The following ANKS1A variants were observed in gnomAD, a reference collection of about 807,000 sequenced individuals.
The protein encoded by ANKS1A is ankyrin repeat and sterile alpha motif domain containing 1A.
In ANKS1A, 55 loss-of-function variants were observed where a neutral mutation model predicts 120.3. The ratio of observed to expected loss-of-function variants is 0.46; its 90% confidence interval spans 0.37 to 0.57. The LOEUF is 0.57. Ranked by LOEUF, ANKS1A falls within the 20% of genes least tolerant of loss-of-function variation. The pLI is 0.00. For missense variants in ANKS1A, 1,123 were observed against 1,480.3 expected (o/e 0.76, Z 3.96); for synonymous variants, 590 against 604.7 (o/e 0.98, Z 0.36).
At chr6:35,048,018 C>T (rs1011719402) in intron 11 of ANKS1A, among the ~76,000 whole-genome samples, 2 of 152,024 alleles carry the variant, frequency 1.3e-5, no homozygotes, top group African/African-American at 4.8e-5. Context: ...ATATCAGCAA[C>T]CCAAGAGGTA....
intron 3 of ANKS1A, among the ~76,000 whole-genome samples, chr6:34,974,960 T>C (rs1367651883): frequency 6.6e-6 from 1 of 152,258 alleles, no homozygotes; most frequent in South Asian, 2.1e-4. Context: ...GTGATTGTTT[T>C]CCCAACAGTG....
chr6:35,023,813 A>C (rs184905873), intron 11 of ANKS1A: 77 of 249,198 alleles, frequency 3.1e-4, no homozygotes, highest in African/African-American at 1.5e-3. Context: ...CATTCTTGGA[A>C]AGAATGCAGA....
At position 35,060,129 on chromosome 6, in the gene ANKS1A, C is replaced by T. The variant is rs377107997; in HGVS notation, c.2078-18C>T. On this transcript the variant is annotated intron_variant, in intron 12 of 23. Coordinates refer to ENST00000360359, the MANE Select transcript of ANKS1A (RefSeq NM_015245.3). This position sits in a 1 kb window ranked among gnomAD's most constrained non-coding sequence, Gnocchi z 4.5. The stretch of plus-strand genomic sequence containing the variant: ...GGTTTTTCCCTTTTCAAGCGTCTGC[C>T]GATTCCTCTCTCATCAGGTTTACGG... 5.6e-6 allele frequency: 9 copies of T among 1,605,418 alleles called. No homozygotes were observed. The highest frequency in any genetic ancestry group is 3.4e-5 in the Admixed American group (2 of 59,560).
At position 34,983,372 on chromosome 6, in the gene ANKS1A, C is replaced by CA. The variant is rs1772010595; in HGVS notation, c.960dup (p.Pro321ThrfsTer19). ...ACAAAAGAAGTAGATAAAACCCCCCCACCCCAGCCACCTCTCATCTCCAGT... is the reference window on the plus strand; with the variant it reads ...ACAAAAGAAGTAGATAAAACCCCCCCAACCCCAGCCACCTCTCATCTCCAGT... On this transcript the variant is annotated frameshift_variant, in exon 7 of 24. Coordinates refer to ENST00000360359, the MANE Select transcript of ANKS1A (RefSeq NM_015245.3). LOFTEE classifies it high-confidence loss of function. The CA allele has an allele frequency of 6.2e-7, 1 of 1,613,892 alleles. No individual in the cohort carries two copies. Among genetic ancestry groups the CA allele is most frequent in the Admixed American group, 1.7e-5 (1 of 59,986 alleles).
chr6:35,044,171 G>A lies in ANKS1A; in HGVS notation c.2011-9928G>A, dbSNP rs571934628. 6.6e-6 allele frequency among the ~76,000 whole-genome samples: 1 copy of A among 152,334 alleles called. No homozygotes were observed. The highest frequency in any genetic ancestry group is 2.1e-4 in the South Asian group (1 of 4,824). On this transcript the variant is annotated intron_variant, in intron 11 of 23. Coordinates refer to ENST00000360359, the MANE Select transcript of ANKS1A (RefSeq NM_015245.3). The surrounding 1 kb of genome is among the most constrained non-coding windows in gnomAD (Gnocchi z 4.4). Reference sequence around the variant, plus strand: ...AGTGTGTGGAAGCAGAAGACCATGGGTGTGCGGGAGCAAGCCTGCCCAGTG... The same window carrying A: ...AGTGTGTGGAAGCAGAAGACCATGGATGTGCGGGAGCAAGCCTGCCCAGTG...
At chr6:35,081,433 A>T (rs1007297873) in intron 17 of ANKS1A, among the ~76,000 whole-genome samples, 1 of 151,666 alleles carries the variant, frequency 6.6e-6, no homozygotes, top group African/African-American at 2.4e-5. Flanking sequence ...AGGGGTTCAG[A>T]TCCCCTGTCC....
chr6:35,052,280 T>C (rs1372505124), intron 11 of ANKS1A, among the ~76,000 whole-genome samples: 1 of 151,752 alleles, frequency 6.6e-6, no homozygotes, highest in Non-Finnish European at 1.5e-5. Flanking sequence ...AAACCCCGCC[T>C]TTACAAAAAA....
chr6:34,962,645 C>T (rs1413361539), intron 1 of ANKS1A, among the ~76,000 whole-genome samples: 1 of 151,610 alleles, frequency 6.6e-6, no homozygotes, highest in Non-Finnish European at 1.5e-5. Flanking sequence ...AAAAATTAGC[C>T]AGGCATGGTG....
chr6:35,076,272 A>C (rs901796692), intron 13 of ANKS1A, among the ~76,000 whole-genome samples: 1 of 152,132 alleles, frequency 6.6e-6, no homozygotes, highest in African/African-American at 2.4e-5. Flanking sequence ...AAATACAAAA[A>C]ATTAGCCAGG....
chr6:34,982,611 A>C lies in ANKS1A; in HGVS notation c.733-141A>C. 1 of 880,850 alleles carries C rather than the reference A, an allele frequency of 1.1e-6. No individual in the cohort carries two copies. The highest frequency in any genetic ancestry group is 1.8e-6 in the Non-Finnish European group (1 of 557,958). The allele number at this position is 880,850 out of a possible 1,614,324, so 54.6% of individuals were successfully genotyped here. On this transcript the variant is annotated intron_variant, in intron 4 of 23. Coordinates refer to ENST00000360359, the MANE Select transcript of ANKS1A (RefSeq NM_015245.3). The surrounding 1 kb of genome is among the most constrained non-coding windows in gnomAD (Gnocchi z 4.9). ...TCGTGGTTTTGGAATCCACACAAGAAAAGCTGGAAAGATAATGACAGAGGG... is the reference window on the plus strand; with the variant it reads ...TCGTGGTTTTGGAATCCACACAAGACAAGCTGGAAAGATAATGACAGAGGG...
In ANKS1A at chr6:35,044,168, T is replaced by C. The variant is rs115628826; in HGVS notation, c.2011-9931T>C. On this transcript the variant is annotated intron_variant, in intron 11 of 23. Transcript: ENST00000360359. The surrounding 1 kb of genome is among the most constrained non-coding windows in gnomAD (Gnocchi z 4.4). ...CTGAGTGTGTGGAAGCAGAAGACCA[T>C]GGGTGTGCGGGAGCAAGCCTGCCCA... is the stretch of plus-strand genomic sequence containing the variant. 7.9e-3 allele frequency among the ~76,000 whole-genome samples: 1,202 copies of C among 152,272 alleles called. 9 individuals carry two copies. Among genetic ancestry groups the C allele is most frequent in the African/African-American group, 0.025 (1,020 of 41,558 alleles).
intron 13 of ANKS1A, among the ~76,000 whole-genome samples, chr6:35,077,642 G>A (rs1316801680): frequency 1.3e-5 from 2 of 152,202 alleles, no homozygotes; most frequent in Non-Finnish European, 1.5e-5. Context: ...ACACTATCTT[G>A]TGACTTCTGT....
chr6:35,085,608 AGGAAGAGT>A lies in ANKS1A; in HGVS notation c.3133-157_3133-150del, dbSNP rs1777919264. Among the ~76,000 whole-genome samples the A allele has an allele frequency of 3.0e-5, 2 of 66,668 alleles. No homozygotes were observed. Among genetic ancestry groups the A allele is most frequent in the Non-Finnish European group, 1.1e-4 (2 of 18,440 alleles). 43.7% of individuals were successfully genotyped at this position (66,668 alleles called of 152,430 possible). On this transcript the variant is annotated intron_variant, in intron 21 of 23. Coordinates refer to ENST00000360359, the MANE Select transcript of ANKS1A (RefSeq NM_015245.3). The surrounding 1 kb of genome is among the most constrained non-coding windows in gnomAD (Gnocchi z 4.7). Reference sequence around the variant, plus strand: ...AGAGCGGGAAGAACAACAGAGACCTAGGAAGAGTAAAGGAGGGAAAGGAGGGAAGAGTG... The same window carrying A: ...AGAGCGGGAAGAACAACAGAGACCTAAAAGGAGGGAAAGGAGGGAAGAGTG...
intron 1 of ANKS1A, among the ~76,000 whole-genome samples, chr6:34,953,561 T>C (rs956333651): frequency 6.6e-6 from 1 of 152,226 alleles, no homozygotes; most frequent in African/African-American, 2.4e-5. Flanking sequence ...CTTGCTTCCC[T>C]TTTTCTTGCT....
chr6:34,906,567 A>G (rs941716293), intron 1 of ANKS1A, among the ~76,000 whole-genome samples: 1 of 152,268 alleles, frequency 6.6e-6, no homozygotes, highest in Non-Finnish European at 1.5e-5. Flanking sequence ...GGGGCAGAAC[A>G]GACAGGTCTT....
chr6:34,923,182 A>G (rs1768527999), intron 1 of ANKS1A, among the ~76,000 whole-genome samples: 2 of 152,346 alleles, frequency 1.3e-5, no homozygotes, highest in East Asian at 3.9e-4. Context: ...GATTGAATAC[A>G]TTGCTGGCCT....
intron 3 of ANKS1A, among the ~76,000 whole-genome samples, chr6:34,979,578 G>A (rs1185660720): frequency 6.6e-6 from 1 of 151,594 alleles, no homozygotes; most frequent in Non-Finnish European, 1.5e-5. Flanking sequence ...ATAGAGAAAA[G>A]TTTTTTTGTT....
intron 13 of ANKS1A, among the ~76,000 whole-genome samples, chr6:35,075,518 C>T (rs1350182729): frequency 1.3e-5 from 2 of 149,976 alleles, no homozygotes; most frequent in Admixed American, 6.7e-5. Context: ...TGGGTTCAAG[C>T]GATTCTCCTG....
Position 35,090,268 on chromosome 6 carries a change from C to T in ANKS1A, c.*1659C>T, listed in dbSNP as rs1199445198. The stretch of plus-strand genomic sequence containing the variant: ...CCATGAGCTACCGCTGTACAGTTCT[C>T]GGCCCCGGCTTTCTTCCAAGAGTTG... On this transcript the variant is annotated 3_prime_UTR_variant, in exon 24 of 24. Transcript: ENST00000360359. The T allele has an allele frequency of 3.9e-6, 5 of 1,289,590 alleles. No individual in the cohort carries two copies. The highest frequency in any genetic ancestry group is 5.1e-6 in the Non-Finnish European group (5 of 988,874). 79.9% of individuals were successfully genotyped at this position (1,289,590 alleles called of 1,614,324 possible).
Sources: gnomAD v4.1 joint callset for allele counts (sites outside exome capture counted in the v4.1 genomes callset) on GRCh38, gnomAD v4.1.1 for gene constraint, Gnocchi (gnomAD v3.1) non-coding constraint, MANE v1.5 for transcripts, NCBI Gene and HGNC (gene_info 2026-07-23, HGNC 2026-07-21) for gene names.